The following MAP4K4 variants were observed in gnomAD, a reference collection of about 807,000 sequenced individuals.
MAP4K4 encodes the protein HPK/GCK-like kinase HGK.
In MAP4K4, 38 loss-of-function variants were observed where a neutral mutation model predicts 189.6. That is an observed-to-expected ratio of 0.20 (90% CI 0.15 to 0.26). The LOEUF (loss-of-function observed/expected upper bound fraction) is 0.26, where lower values mean the gene tolerates loss of function less well. MAP4K4 is among the 10% of genes least tolerant of loss of function. The pLI, the probability that MAP4K4 is intolerant of heterozygous loss-of-function variation, is 1.00. For missense variants in MAP4K4, 1,054 were observed against 1,726.9 expected, an observed-to-expected ratio of 0.61 and a Z score of 6.91; for synonymous variants, 610 against 624.3, an observed-to-expected ratio of 0.98 and a Z score of 0.34.
chr2:101,766,884 A>G (rs1398663338), intron 2 of MAP4K4, among the ~76,000 whole-genome samples: 1 of 152,178 alleles, frequency 6.6e-6, no homozygotes, highest in African/African-American at 2.4e-5. Context: ...AAAAGCAGAG[A>G]CTTACTGAAA....
intron 2 of MAP4K4, among the ~76,000 whole-genome samples, chr2:101,730,943 A>T (rs2058176281): frequency 6.6e-6 from 1 of 151,502 alleles, no homozygotes; most frequent in African/African-American, 2.4e-5. Flanking sequence ...ACTACTCGGG[A>T]GCCTGCGCAG....
rs1411083252 is a variant in MAP4K4, at chr2:101,750,540, T to C, written c.124-40180T>C. On this transcript the variant is annotated intron_variant, in intron 2 of 32. Coordinates refer to ENST00000324219, the Ensembl canonical transcript of MAP4K4. ...TTGGGGGAGGGGGGAGGGATAGCAT[T>C]GGGAGATATACCTAATGCTAGATGA... Among the ~76,000 whole-genome samples the C allele has an allele frequency of 1.2e-4, 17 of 146,752 alleles. No individual in the cohort carries two copies. In the South Asian group the frequency reaches 3.8e-3, roughly 33 times the overall value.
chr2:101,795,227 A>C (rs1276515320), intron 3 of MAP4K4, among the ~76,000 whole-genome samples: 2 of 152,192 alleles, frequency 1.3e-5, no homozygotes, highest in African/African-American at 4.8e-5. Flanking sequence ...CACTGTGTGA[A>C]TATTCTGTTC....
rs562505922 is a variant in MAP4K4 at position 101,879,325 on chromosome 2, A to ATG, written c.3385+2181_3385+2182dup. On this transcript the variant is annotated intron_variant, in intron 27 of 32. Transcript: ENST00000324219. ...CTTTCAGTGGTTTTCACAATCATAA[A>ATG]TGTAGTACATGTCAATTGTAGGAAG... Among the ~76,000 whole-genome samples, 252 of 149,356 alleles carry ATG rather than the reference A, an allele frequency of 1.7e-3. 1 individual carries two copies. Among genetic ancestry groups the ATG allele is most frequent in the Non-Finnish European group, 2.1e-3 (141 of 67,646 alleles).
chr2:101,830,289 C>T (rs1439615595), intron 6 of MAP4K4, among the ~76,000 whole-genome samples: 4 of 152,090 alleles, frequency 2.6e-5, no homozygotes, highest in African/African-American at 9.7e-5. Context: ...AGCATTGTGA[C>T]TTCATTGTAG....
intron 2 of MAP4K4, among the ~76,000 whole-genome samples, chr2:101,731,535 G>A (rs2058497382): frequency 6.6e-6 from 1 of 152,188 alleles, no homozygotes; most frequent in Admixed American, 6.5e-5. Flanking sequence ...AAGGTGGGCA[G>A]ATTGCCAGAG....
chr2:101,816,649 G>A (rs182098735), intron 3 of MAP4K4, among the ~76,000 whole-genome samples: 1 of 152,256 alleles, frequency 6.6e-6, no homozygotes, highest in Admixed American at 6.5e-5. Flanking sequence ...TTCTCCTTTT[G>A]CTCCGGGAAT....
At chr2:101,712,561 A>G (rs1276655057) in intron 2 of MAP4K4, among the ~76,000 whole-genome samples, 4 of 150,340 alleles carry the variant, frequency 2.7e-5, no homozygotes, top group South Asian at 2.1e-4. Context: ...GTGCAGTAGC[A>G]TGATCTTGGC....
chr2:101,835,754 T>G (rs919452642), intron 8 of MAP4K4, 146 bp from the exon 9 acceptor site: 6 of 526,922 alleles, frequency 1.1e-5, no homozygotes, highest in African/African-American at 3.8e-5. Flanking sequence ...GCCCTGGAGT[T>G]CATAACTAGA....
intron 2 of MAP4K4, among the ~76,000 whole-genome samples, chr2:101,736,812 G>T (rs2060442989): frequency 6.6e-6 from 1 of 152,110 alleles, no homozygotes; most frequent in South Asian, 2.1e-4. Context: ...CTTGGTACCT[G>T]GTGGATACTT....
intron 26 of MAP4K4, 83 bp from the exon 27 acceptor site, chr2:101,876,920 T>C: frequency 7.2e-7 from 1 of 1,396,560 alleles, no homozygotes; most frequent in Non-Finnish European, 9.9e-7. Flanking sequence ...TTTTTCCAAA[T>C]AGATGATGTT....
intron 2 of MAP4K4, among the ~76,000 whole-genome samples, chr2:101,726,365 G>C (rs2055379690): frequency 6.6e-6 from 1 of 152,156 alleles, no homozygotes; most frequent in African/African-American, 2.4e-5. Flanking sequence ...GTCTGTCATG[G>C]GTGGTTAGAC....
intron 3 of MAP4K4, among the ~76,000 whole-genome samples, chr2:101,794,853 A>G (rs2093497506): frequency 6.6e-6 from 1 of 152,088 alleles, no homozygotes; most frequent in South Asian, 2.1e-4. Flanking sequence ...TTTTGTAAGA[A>G]TTTAGCCAGA....
intron 2 of MAP4K4, among the ~76,000 whole-genome samples, chr2:101,728,060 G>A (rs927573107): frequency 2.9e-4 from 44 of 152,334 alleles, no homozygotes; most frequent in African/African-American, 9.6e-4. Context: ...GTCATGGCTT[G>A]CTCTCATTAA....
chr2:101,888,759 C>T, intron 31 of MAP4K4, 37 bp from the exon 32 acceptor site: 3 of 1,514,756 alleles, frequency 2.0e-6, no homozygotes, highest in Non-Finnish European at 2.7e-6. Flanking sequence ...GCTGTTTCCT[C>T]ATCTTTAACG....
rs548116467 is a variant in MAP4K4 at position 101,872,179 on chromosome 2, G to T, written c.2952+494G>T. Among the ~76,000 whole-genome samples the T allele has an allele frequency of 3.1e-4, 47 of 150,172 alleles. 1 individual carries two copies. In the South Asian group the frequency reaches 4.2e-3, roughly 13 times the overall value. ...CTGATTTTTTTTTTTTTTCTTGTTT[G>T]GGGGGTGGGTTGTTGGCTGATTACT... On this transcript the variant is annotated intron_variant, in intron 24 of 32. Transcript: ENST00000324219.
intron 32 of MAP4K4, among the ~76,000 whole-genome samples, chr2:101,890,475 G>C (rs1181617511): frequency 1.3e-5 from 2 of 152,108 alleles, no homozygotes; most frequent in Non-Finnish European, 2.9e-5. Context: ...GTTTGTTTTG[G>C]TGACGGAGTC....
At chr2:101,859,603 A>C in intron 14 of MAP4K4, 40 bp from the exon 15 acceptor site, 1 of 1,428,890 alleles carries the variant, frequency 7.0e-7, no homozygotes, top group Non-Finnish European at 9.7e-7. Flanking sequence ...CGAGCTCTCC[A>C]GTGTCCCATA....
chr2:101,790,862 A>G, intron 3 of MAP4K4, 86 bp downstream of exon 3: 2 of 1,156,060 alleles, frequency 1.7e-6, no homozygotes, highest in Non-Finnish European at 2.5e-6. Flanking sequence ...CTCTGTTTGG[A>G]AAATCTGATT....
Sources: allele counts gnomAD v4.1 joint callset (sites outside exome capture counted in the v4.1 genomes callset), GRCh38; gene constraint gnomAD v4.1.1; transcripts MANE v1.5; gene names NCBI Gene and HGNC (gene_info 2026-07-23, HGNC 2026-07-21).